The following ETFDH variants were observed in gnomAD, a reference collection of about 807,000 sequenced individuals.
ETFDH encodes the protein electron transfer flavoprotein-ubiquinone oxidoreductase, mitochondrial.
A neutral mutation model predicts 73.2 loss-of-function variants in ETFDH; 61 were observed. The observed-to-expected ratio is 0.83, with a 90% CI of 0.68 to 1.03. The LOEUF (loss-of-function observed/expected upper bound fraction) is 1.03, where lower values mean the gene tolerates loss of function less well. Ranked by LOEUF, ETFDH falls within the 50% of genes least tolerant of loss-of-function variation. ETFDH has a pLI of 0.00. For synonymous variants in ETFDH, 243 were observed against 253.3 expected, an observed-to-expected ratio of 0.96 and a Z score of 0.39; for missense variants, 685 against 745.0, an observed-to-expected ratio of 0.92 and a Z score of 0.94.
At chr4:158,681,915 G>A (rs1413273338) in intron 2 of ETFDH, 1 of 437,450 alleles carries the variant, frequency 2.3e-6, no homozygotes, top group African/African-American at 2.0e-5. Flanking sequence ...TAAGTGACTT[G>A]TGACTGTATT....
At chr4:158,702,843 A>T (rs1425731673) in intron 9 of ETFDH, among the ~76,000 whole-genome samples, 1 of 152,124 alleles carries the variant, frequency 6.6e-6, no homozygotes, top group Non-Finnish European at 1.5e-5. Flanking sequence ...CAATAGTGGG[A>T]TGGCTGGGTC....
At position 158,706,622 on chromosome 4, in the gene ETFDH, G is replaced by A; in HGVS notation, c.1469-7G>A. ...TTTGTTAAGCATTTCCCTCAAAATT[G>A]TTGAAGGTTCTGACTTTGAACGGCT... On this transcript the variant is annotated splice_region_variant and splice_polypyrimidine_tract_variant and intron_variant, in intron 11 of 12. Transcript: ENST00000511912. 1 of 1,608,842 alleles carries A rather than the reference G, an allele frequency of 6.2e-7. No homozygotes were observed. The highest frequency in any genetic ancestry group is 1.1e-5 in the South Asian group (1 of 90,982).
At position 158,684,660 on chromosome 4, in the gene ETFDH, G is replaced by A. The variant is rs1350126940; in HGVS notation, c.474G>A (p.Val158=). Residue 158 remains valine (V), a synonymous_variant, in exon 4 of 13, where the codon GTG becomes GTA. Coordinates refer to ENST00000511912, the MANE Select transcript of ETFDH (RefSeq NM_004453.4). ...TAACAGAGAAATACAGAATTCCTGT[G>A]CCAATTCTTCCAGGTAAGGTATAGT... ...GILTEKYRIP[V]PILPGLPMNN... is the part of the protein sequence containing the mutation. 43 of 1,553,984 alleles carry A rather than the reference G, an allele frequency of 2.8e-5. No individual in the cohort carries two copies. Among genetic ancestry groups the A allele is most frequent in the Non-Finnish European group, 3.6e-5 (40 of 1,125,450 alleles).
Position 158,706,241 on chromosome 4 carries a change from A to C in ETFDH, c.1338A>C (p.Lys446Asn), listed in dbSNP as rs762183515. The C allele has an allele frequency of 6.2e-7, 1 of 1,612,488 alleles. No homozygotes were observed. The highest frequency in any genetic ancestry group is 8.5e-7 in the Non-Finnish European group (1 of 1,178,428). Residue 446 changes from lysine (K) to asparagine (N), a missense_variant, in exon 11 of 13, where the codon AAA becomes AAC. Physicochemically the swap from Lys to Asn is moderately conservative, Grantham distance 94. Coordinates refer to ENST00000511912, the MANE Select transcript of ETFDH (RefSeq NM_004453.4). The part of the protein sequence containing the change: ...EDNLKNSWVW[K>N]ELYSVRNIRP... ...ATTTGAAGAACTCATGGGTATGGAA[A>C]GAGCTATATTCTGTTAGAAATATAA...
rs1479988340 is a variant in ETFDH at position 158,706,859 on chromosome 4, T to G, written c.1690+9T>G. The G allele has an allele frequency of 6.0e-6, 9 of 1,509,486 alleles. No homozygotes were observed. The South Asian group carries it at 1.0e-4, about 17-fold the overall frequency. 93.5% of individuals were successfully genotyped at this position (1,509,486 alleles called of 1,614,324 possible). Reference sequence around the variant, plus strand: ...GCGATTCTGTCCTGCAGGTAATAATTTCCATCTATTCCTAAATATTTGCTT... The same window carrying G: ...GCGATTCTGTCCTGCAGGTAATAATGTCCATCTATTCCTAAATATTTGCTT... On this transcript the variant is annotated intron_variant, in intron 12 of 12. Coordinates refer to ENST00000511912, the MANE Select transcript of ETFDH (RefSeq NM_004453.4).
At chr4:158,702,622 G>A (rs1580418961) in intron 9 of ETFDH, among the ~76,000 whole-genome samples, 1 of 152,062 alleles carries the variant, frequency 6.6e-6, no homozygotes, top group Non-Finnish European at 1.5e-5. Flanking sequence ...GCTCATCCAT[G>A]TTGTCACAGA....
Position 158,708,594 on chromosome 4 carries a change from T to C in ETFDH, c.*67T>C. 7.6e-7 allele frequency: 1 copy of C among 1,312,530 alleles called. No homozygotes were observed. The highest frequency in any genetic ancestry group is 1.1e-6 in the Non-Finnish European group (1 of 906,956). 81.3% of individuals were successfully genotyped at this position (1,312,530 alleles called of 1,614,324 possible). ...TTAAAATGTTTAGAGATTAACAGAT[T>C]TCAGAATGTCTTTCTGCATATTACT... On this transcript the variant is annotated 3_prime_UTR_variant, in exon 13 of 13. Coordinates refer to ENST00000511912, the MANE Select transcript of ETFDH (RefSeq NM_004453.4).
In ETFDH at chr4:158,682,222, A is replaced by C. The variant is rs762121410; in HGVS notation, c.203A>C (p.Glu68Ala). ...GTGAACATGGAAAGGTTTGCAGAAGAAGCAGATGTTGTAATAGTTGGTGCA... is the reference window on the plus strand; with the variant it reads ...GTGAACATGGAAAGGTTTGCAGAAGCAGCAGATGTTGTAATAGTTGGTGCA... ...EGVNMERFAE[E>A]ADVVIVGAGP... is the part of the protein sequence containing the mutation. The change falls in exon 3 of 13, where the codon GAA becomes GCA. Residue 68 changes from glutamate (E) to alanine (A), a missense_variant. Physicochemically the swap from Glu to Ala is moderately radical, Grantham distance 107. This residue lies in a region of ETFDH where 405 missense variants were observed against 399.3 expected (regional missense o/e 1.01). Coordinates refer to ENST00000511912, the MANE Select transcript of ETFDH (RefSeq NM_004453.4). 1.9e-6 allele frequency: 3 copies of C among 1,614,058 alleles called. No homozygotes were observed. Among genetic ancestry groups the C allele is most frequent in the South Asian group, 2.2e-5 (2 of 91,086 alleles).
At chr4:158,686,475 G>A (rs996008571) in intron 5 of ETFDH, among the ~76,000 whole-genome samples, 1 of 152,174 alleles carries the variant, frequency 6.6e-6, no homozygotes, top group African/African-American at 2.4e-5. Context: ...ATGATCTAAC[G>A]GTAGTAGACT....
intron 9 of ETFDH, among the ~76,000 whole-genome samples, chr4:158,702,649 G>A (rs1340487821): frequency 6.6e-6 from 1 of 152,056 alleles, no homozygotes; most frequent in Non-Finnish European, 1.5e-5. Flanking sequence ...TATTTCATTT[G>A]TTCTTCCAGC....
At chr4:158,701,899 T>C (rs536748141) in intron 9 of ETFDH, among the ~76,000 whole-genome samples, 1 of 152,278 alleles carries the variant, frequency 6.6e-6, no homozygotes, top group African/African-American at 2.4e-5. Context: ...AACTGAAAAA[T>C]ATCCCACCCT....
Position 158,672,467 on chromosome 4 carries a change from C to T in ETFDH, c.11C>T (p.Pro4Leu). 1 of 1,614,112 alleles carries T rather than the reference C, an allele frequency of 6.2e-7. No individual in the cohort carries two copies. The highest frequency in any genetic ancestry group is 1.1e-5 in the South Asian group (1 of 91,080). MLVPLAKLSCLAYQ... is the reference protein window; with the variant it reads MLVLLAKLSCLAYQ... ...CTGGTGACTTTGAACATGCTGGTGCCGCTAGCCAAGCTGTCCTGCCTGGGT... is the reference window on the plus strand; with the variant it reads ...CTGGTGACTTTGAACATGCTGGTGCTGCTAGCCAAGCTGTCCTGCCTGGGT... Residue 4 changes from proline (P) to leucine (L), a missense_variant, in exon 1 of 13, where the codon CCG becomes CTG. This residue lies in a region of ETFDH where 405 missense variants were observed against 399.3 expected (regional missense o/e 1.01). Coordinates refer to ENST00000511912, the MANE Select transcript of ETFDH (RefSeq NM_004453.4).
At chr4:158,705,458 A>C (rs973958047) in intron 10 of ETFDH, among the ~76,000 whole-genome samples, 1 of 152,240 alleles carries the variant, frequency 6.6e-6, no homozygotes, top group Admixed American at 6.5e-5. Context: ...ACAGCCACTA[A>C]TAAGGTCACA....
At chr4:158,681,151 G>A (rs1052166604) in intron 2 of ETFDH, among the ~76,000 whole-genome samples, 18 of 152,146 alleles carry the variant, frequency 1.2e-4, no homozygotes, top group Non-Finnish European at 4.4e-5. Context: ...AGCTCCATGC[G>A]TGTTATTGTC....
Position 158,672,494 on chromosome 4 carries a change from A to G in ETFDH, c.34+4A>G. On this transcript the variant is annotated splice_donor_region_variant and intron_variant, in intron 1 of 12. Coordinates refer to ENST00000511912, the MANE Select transcript of ETFDH (RefSeq NM_004453.4). Reference sequence around the variant, plus strand: ...CTAGCCAAGCTGTCCTGCCTGGGTGAGAGGAAACGGGCGGTGGGGATAAGT... The same window carrying G: ...CTAGCCAAGCTGTCCTGCCTGGGTGGGAGGAAACGGGCGGTGGGGATAAGT... 6.2e-7 allele frequency: 1 copy of G among 1,614,048 alleles called. No homozygotes were observed. The highest frequency in any genetic ancestry group is 2.2e-5 in the East Asian group (1 of 44,872).
intron 1 of ETFDH, among the ~76,000 whole-genome samples, chr4:158,676,476 T>G (rs1287316924): frequency 6.6e-6 from 1 of 152,218 alleles, no homozygotes; most frequent in Non-Finnish European, 1.5e-5. Flanking sequence ...ATTTCTAATC[T>G]TGTAGCTAAT....
chr4:158,682,873 T>A (rs1371965148), intron 3 of ETFDH, among the ~76,000 whole-genome samples: 1 of 151,762 alleles, frequency 6.6e-6, no homozygotes, highest in African/African-American at 2.4e-5. Context: ...CTTTTTAAAT[T>A]AAAAAAAAAT....
In ETFDH at chr4:158,688,352, A is replaced by G. The variant is rs539102412; in HGVS notation, c.607-1996A>G. 6.1e-5 allele frequency among the ~76,000 whole-genome samples: 9 copies of G among 147,466 alleles called. No homozygotes were observed. In the South Asian group the frequency reaches 1.1e-3, roughly 18 times the overall value. ...GGTTGCAGTGAGCCGAGATGGTGCA[A>G]CTGCACTCCAGCCTGGCAACAGAGT... On this transcript the variant is annotated intron_variant, in intron 5 of 12. Coordinates refer to ENST00000511912, the MANE Select transcript of ETFDH (RefSeq NM_004453.4).
chr4:158,706,215 A>G lies in ETFDH; in HGVS notation c.1312A>G (p.Asn438Asp), dbSNP rs1485959982. ...IGLHVTEYEDNLKNSWVWKEL... is the reference protein window; with the variant it reads ...IGLHVTEYEDDLKNSWVWKEL... ...ACTCCATGTAACTGAATATGAGGAC[A>G]ATTTGAAGAACTCATGGGTATGGAA... Residue 438 changes from asparagine to aspartate, a missense_variant, in exon 11 of 13, where the codon AAT becomes GAT. By Grantham distance (23) the Asn-to-Asp change is conservative (BLOSUM62 1). Coordinates refer to ENST00000511912, the MANE Select transcript of ETFDH (RefSeq NM_004453.4). 2.5e-6 allele frequency: 4 copies of G among 1,612,414 alleles called. No individual in the cohort carries two copies. The highest frequency in any genetic ancestry group is 4.5e-5 in the East Asian group (2 of 44,894).
Sources: allele counts gnomAD v4.1 joint callset (sites outside exome capture counted in the v4.1 genomes callset), GRCh38; gene constraint gnomAD v4.1.1; regional missense constraint gnomAD v4.1.1; transcripts MANE v1.5; gene names NCBI Gene and HGNC (gene_info 2026-07-23, HGNC 2026-07-21).